The following COL5A2 variants were observed in gnomAD, a reference collection of about 807,000 sequenced individuals.
COL5A2 encodes the protein collagen alpha-2(V) chain.
A neutral mutation model predicts 208.2 loss-of-function variants in COL5A2; 23 were observed. That is an observed-to-expected ratio of 0.11 (90% CI 0.08 to 0.16). The LOEUF (loss-of-function observed/expected upper bound fraction) is 0.16, where lower values mean the gene tolerates loss of function less well. Ranked by LOEUF, COL5A2 falls within the 10% of genes least tolerant of loss-of-function variation. The pLI is 1.00. For missense variants in COL5A2, 1,590 were observed against 1,956.4 expected (o/e 0.81, Z 3.53); for synonymous variants, 625 against 628.5 (o/e 0.99, Z 0.08).
At chr2:189,299,282 G>A in the COL5A2 span, among the ~76,000 whole-genome samples, 119 of 152,166 alleles carry the variant, frequency 7.8e-4, no homozygotes, top group Non-Finnish European at 1.4e-3. Flanking sequence ...AAAAAAAACA[G>A]AAGTAATTTG....
intron 49 of COL5A2, among the ~76,000 whole-genome samples, chr2:189,042,452 C>G (rs1685580875): frequency 6.6e-6 from 1 of 152,084 alleles, no homozygotes. Context: ...TAAATTAACA[C>G]AATGTAACAA....
the COL5A2 span, among the ~76,000 whole-genome samples, chr2:189,245,858 T>G: frequency 2.6e-5 from 4 of 152,314 alleles, no homozygotes; most frequent in Non-Finnish European, 5.9e-5. Context: ...TTTCTTCTAT[T>G]GATGTCATTA....
intron 17 of COL5A2, among the ~76,000 whole-genome samples, chr2:189,074,113 T>C (rs757314996): frequency 2.0e-5 from 3 of 152,192 alleles, no homozygotes; most frequent in Non-Finnish European, 4.4e-5. Flanking sequence ...TTTGATTCTA[T>C]GTTTATAATT....
the COL5A2 span, among the ~76,000 whole-genome samples, chr2:189,382,752 A>G: frequency 6.6e-6 from 1 of 152,198 alleles, no homozygotes; most frequent in South Asian, 2.1e-4. Context: ...TGGTGGAGTC[A>G]GGAGCAATTT....
At chr2:189,216,908 A>G (rs914719316) in intron 1 of COL5A2, among the ~76,000 whole-genome samples, 1 of 152,160 alleles carries the variant, frequency 6.6e-6, no homozygotes, top group East Asian at 1.9e-4. Context: ...GGGCAGATCC[A>G]TGGATACTTC....
chr2:189,039,417 G>A lies in COL5A2; in HGVS notation c.3780C>T (p.Asp1260=). 1 of 1,613,870 alleles carries A rather than the reference G, an allele frequency of 6.2e-7. No individual in the cohort carries two copies. Among genetic ancestry groups the A allele is most frequent in the Non-Finnish European group, 8.5e-7 (1 of 1,179,964 alleles). Reference sequence around the variant, plus strand: ...GAACCCCTGGGTCCGTTTTGTTTTTGTCATCAGGAGCCGCCTGATCTTCAG... The same window carrying A: ...GAACCCCTGGGTCCGTTTTGTTTTTATCATCAGGAGCCGCCTGATCTTCAG... ...EFTEDQAAPD[D]KNKTDPGVHA... is the part of the protein sequence containing the mutation. Residue 1260 remains aspartate, a synonymous_variant, in exon 51 of 54, where the codon GAC becomes GAT. Transcript: ENST00000374866.
chr2:189,041,741 T>C (rs1685566961), intron 49 of COL5A2, 48 bp from the exon 50 acceptor site: 1 of 1,216,778 alleles, frequency 8.2e-7, no homozygotes, highest in African/African-American at 1.5e-5. Flanking sequence ...GGAAAAATTT[T>C]ACAATGCCTT....
chr2:189,059,526 G>C (rs191259094), intron 31 of COL5A2, among the ~76,000 whole-genome samples: 2 of 142,890 alleles, frequency 1.4e-5, no homozygotes, highest in African/African-American at 5.1e-5. Flanking sequence ...ACTGTGGCCT[G>C]ATCTCCCTAA....
At position 189,043,227 on chromosome 2, in the gene COL5A2, T is replaced by C. The variant is rs781112304; in HGVS notation, c.3395A>G (p.Asp1132Gly). The C allele has an allele frequency of 6.2e-7, 1 of 1,613,864 alleles. No individual in the cohort carries two copies. Among genetic ancestry groups the C allele is most frequent in the Admixed American group, 1.7e-5 (1 of 60,022 alleles). The change falls in exon 48 of 54, where the codon GAT (aspartate) becomes GGT (glycine). Residue 1132 changes from aspartate (D) to glycine (G), a missense_variant. Transcript: ENST00000374866. ...ACCTCTGTCACCTCGGTCTCCATGATCACCTTTGTCACCACGAGGTCCTTG... is the reference window on the plus strand; with the variant it reads ...ACCTCTGTCACCTCGGTCTCCATGACCACCTTTGTCACCACGAGGTCCTTG... The part of the protein sequence containing the change: ...GPQGPRGDKG[D>G]HGDRGDRGQK...
the COL5A2 span, among the ~76,000 whole-genome samples, chr2:189,331,302 A>AC: frequency 2.6e-5 from 4 of 152,240 alleles, no homozygotes; most frequent in East Asian, 7.7e-4. Context: ...AGGCAGAGGC[A>AC]GATGGATCAC....
chr2:189,339,152 A>G, the COL5A2 span, among the ~76,000 whole-genome samples: 1 of 152,138 alleles, frequency 6.6e-6, no homozygotes, highest in Admixed American at 6.5e-5. Context: ...GGAATTTGAG[A>G]GCAGCCTGGC....
chr2:189,286,056 T>G, the COL5A2 span, among the ~76,000 whole-genome samples: 1 of 151,884 alleles, frequency 6.6e-6, no homozygotes, highest in East Asian at 1.9e-4. Flanking sequence ...ATTCTCTGGG[T>G]GGCCTAAGGG....
the COL5A2 span, among the ~76,000 whole-genome samples, chr2:189,332,297 C>A: frequency 7.2e-4 from 110 of 152,186 alleles, 1 homozygote; most frequent in African/African-American, 2.6e-3. Flanking sequence ...TTGACCTACT[C>A]GGCATTAATA....
rs1686197075 is a variant in COL5A2, at chr2:189,068,258, T to C, written c.1270A>G (p.Thr424Ala). ...GSPGLPGAIGTDGTPGAKGPT... is the reference protein window; with the variant it reads ...GSPGLPGAIGADGTPGAKGPT... ...CCTTTGGCACCAGGAGTACCATCAG[T>C]TCCTATTGCACCCTAAAAGGTACAT... The change falls in exon 20 of 54, where the codon ACT (threonine) becomes GCT (alanine). Residue 424 changes from threonine (T) to alanine (A), a missense_variant. Thr to Ala is a moderately conservative substitution (Grantham distance 58). Coordinates refer to ENST00000374866, the MANE Select transcript of COL5A2 (RefSeq NM_000393.5). 6.2e-7 allele frequency: 1 copy of C among 1,613,314 alleles called. No individual in the cohort carries two copies. Among genetic ancestry groups the C allele is most frequent in the East Asian group, 2.2e-5 (1 of 44,882 alleles).
the COL5A2 span, among the ~76,000 whole-genome samples, chr2:189,292,270 G>C: frequency 6.6e-6 from 1 of 152,060 alleles, no homozygotes; most frequent in Non-Finnish European, 1.5e-5. Flanking sequence ...AGGAAAATTG[G>C]CTCATGATTA....
rs1224413777 is a variant in COL5A2, at chr2:189,085,707, C to T, written c.744+12G>A. ...AAATGTAACTGGGTCTACATGCTTA[C>T]TTGACATTTACCATTGGTCCAGGAT... On this transcript the variant is annotated intron_variant, in intron 10 of 53. Transcript: ENST00000374866. The T allele has an allele frequency of 2.5e-6, 4 of 1,612,242 alleles. No individual in the cohort carries two copies. Among genetic ancestry groups the T allele is most frequent in the Admixed American group, 3.3e-5 (2 of 59,982 alleles).
the COL5A2 span, among the ~76,000 whole-genome samples, chr2:189,322,800 A>G: frequency 4.3e-4 from 65 of 152,334 alleles, 1 homozygote; most frequent in Non-Finnish European, 1.6e-4. Flanking sequence ...CAATAGAAAA[A>G]GAGGGAATCC....
chr2:189,422,482 A>G, the COL5A2 span, among the ~76,000 whole-genome samples: 1 of 152,198 alleles, frequency 6.6e-6, no homozygotes, highest in Non-Finnish European at 1.5e-5. Context: ...TGCTTTTAGC[A>G]ATGAACAGAT....
chr2:189,066,531 C>A, intron 22 of COL5A2, 34 bp from the exon 23 acceptor site: 1 of 1,597,904 alleles, frequency 6.3e-7, no homozygotes, highest in Non-Finnish European at 8.6e-7. Flanking sequence ...ACCAGAAAGA[C>A]CCATCCAACC....
Sources: gnomAD v4.1 joint callset for allele counts (sites outside exome capture counted in the v4.1 genomes callset) on GRCh38, gnomAD v4.1.1 for gene constraint, MANE v1.5 for transcripts, NCBI Gene and HGNC (gene_info 2026-07-23, HGNC 2026-07-21) for gene names.